The following GLRA1 variants were observed in gnomAD, a reference collection of about 807,000 sequenced individuals.
The protein encoded by GLRA1 is glycine receptor subunit alpha-1.
In GLRA1, 37 loss-of-function variants were observed where a neutral mutation model predicts 48.3. The ratio of observed to expected loss-of-function variants is 0.77; its 90% CI spans 0.59 to 1.01. The LOEUF is 1.01. Ranked by LOEUF, GLRA1 falls within the 50% of genes least tolerant of loss-of-function variation. GLRA1 has a pLI of 0.00. For synonymous variants in GLRA1, 196 were observed against 210.7 expected (o/e 0.93, Z 0.60); for missense variants, 427 against 571.0 (o/e 0.75, Z 2.57).
chr5:151,829,875 A>G (rs1283199503), intron 7 of GLRA1, among the ~76,000 whole-genome samples: 1 of 152,222 alleles, frequency 6.6e-6, no homozygotes, highest in Non-Finnish European at 1.5e-5. Context: ...TTCAAGGTTC[A>G]TTCACATCGT....
chr5:151,911,539 T>C (rs1754607040), intron 1 of GLRA1, among the ~76,000 whole-genome samples: 1 of 151,242 alleles, frequency 6.6e-6, no homozygotes, highest in Admixed American at 6.6e-5. Context: ...CTCCAAGGCA[T>C]ACACATAGCA....
chr5:151,921,511 G>C (rs1409785122), intron 1 of GLRA1, among the ~76,000 whole-genome samples: 1 of 152,182 alleles, frequency 6.6e-6, no homozygotes, highest in East Asian at 1.9e-4. Flanking sequence ...CCATAACAAA[G>C]AATTATCCAG....
Position 151,851,548 on chromosome 5 carries a change from G to C in GLRA1, c.754C>G (p.Leu252Val). 1 of 1,614,032 alleles carries C rather than the reference G, an allele frequency of 6.2e-7. No homozygotes were observed. The highest frequency in any genetic ancestry group is 8.5e-7 in the Non-Finnish European group (1 of 1,179,908). ...AGGCTGGGAATATACATCTGAATCA[G>C]GTAGTAACCCATCTGCCGCTCCAGG... is the stretch of plus-strand genomic sequence containing the variant. The part of the protein sequence containing the change: ...FHLERQMGYY[L>V]IQMYIPSLLI... Residue 252 changes from leucine to valine, a missense_variant, in exon 7 of 9, where the codon CTG becomes GTG. By Grantham distance (32) the Leu-to-Val change is conservative. Around this residue, in one of 4 missense-constraint regions of GLRA1, gnomAD observed 271 missense variants for 434.9 expected, o/e 0.62. Transcript: ENST00000274576.
chr5:151,862,713 G>T (rs1043949424), intron 3 of GLRA1, among the ~76,000 whole-genome samples: 6 of 152,216 alleles, frequency 3.9e-5, no homozygotes, highest in African/African-American at 1.4e-4. Context: ...GATGAGTTGT[G>T]TGCATCTCAA....
chr5:151,874,248 A>G (rs985665817), intron 3 of GLRA1, among the ~76,000 whole-genome samples: 2 of 152,158 alleles, frequency 1.3e-5, no homozygotes, highest in African/African-American at 2.4e-5. Flanking sequence ...GCTGAGTTCC[A>G]CCTTGAGATG....
intron 2 of GLRA1, among the ~76,000 whole-genome samples, chr5:151,889,046 G>A (rs1308718739): frequency 6.6e-6 from 1 of 152,126 alleles, no homozygotes; most frequent in Non-Finnish European, 1.5e-5. Context: ...CCTATGCCTT[G>A]AAATGATGTG....
In GLRA1 at chr5:151,850,628, C is replaced by A. The variant is rs145868530; in HGVS notation, c.912+762G>T. 3.4e-6 allele frequency: 5 copies of A among 1,469,342 alleles called. No homozygotes were observed. The East Asian group carries it at 6.8e-5, about 20-fold the overall frequency. 91.0% of individuals were successfully genotyped at this position (1,469,342 alleles called of 1,614,324 possible). A position where few individuals can be genotyped will look rare whatever the true frequency, so the allele number is the denominator to read the frequency against. ...CGACTTTTCTGCTGGTGTAGCCAATCGTAGTGCCAACATACACATTCCCTG... is the reference window on the plus strand; with the variant it reads ...CGACTTTTCTGCTGGTGTAGCCAATAGTAGTGCCAACATACACATTCCCTG... On this transcript the variant is annotated intron_variant, in intron 7 of 8. Transcript: ENST00000274576.
chr5:151,856,594 C>G (rs1172420694), intron 4 of GLRA1, among the ~76,000 whole-genome samples: 1 of 152,198 alleles, frequency 6.6e-6, no homozygotes, highest in African/African-American at 2.4e-5. Flanking sequence ...TAATGGCTCA[C>G]TGCAGTCTTG....
intron 8 of GLRA1, among the ~76,000 whole-genome samples, chr5:151,827,242 G>C (rs1222354114): frequency 6.6e-6 from 1 of 151,546 alleles, no homozygotes; most frequent in Admixed American, 6.6e-5. Context: ...AAAACTAGGG[G>C]TCATTTAAGA....
At chr5:151,859,530 C>T (rs747333476) in intron 4 of GLRA1, among the ~76,000 whole-genome samples, 56 of 152,274 alleles carry the variant, frequency 3.7e-4, no homozygotes, top group Non-Finnish European at 7.1e-4. Context: ...AACTTCAACC[C>T]CACTTTCTCT....
At chr5:151,907,827 A>G (rs1561580497) in intron 1 of GLRA1, among the ~76,000 whole-genome samples, 1 of 152,190 alleles carries the variant, frequency 6.6e-6, no homozygotes, top group Non-Finnish European at 1.5e-5. Flanking sequence ...ATGACCTTGG[A>G]AGGTCTCTTT....
At chr5:151,896,127 C>T (rs1341893058) in intron 1 of GLRA1, among the ~76,000 whole-genome samples, 1 of 152,214 alleles carries the variant, frequency 6.6e-6, no homozygotes, top group Non-Finnish European at 1.5e-5. Context: ...ATTAGCATAA[C>T]ATGCCATTTA....
intron 7 of GLRA1, among the ~76,000 whole-genome samples, chr5:151,844,644 AAAAG>A (rs1012153443): frequency 7.3e-5 from 11 of 150,144 alleles, no homozygotes; most frequent in African/African-American, 2.2e-4. Context: ...AAAAAAAAGA[AAAAG>A]AAAAAAAAAG....
chr5:151,856,393 G>A lies in GLRA1; in HGVS notation c.477-10C>T. The stretch of plus-strand genomic sequence containing the variant: ...CAGTGTCAGGGTGATTCTGGGAAGA[G>A]AAGGGATTTTGAATGATGCAGGATC... On this transcript the variant is annotated splice_polypyrimidine_tract_variant and intron_variant, in intron 4 of 8. Transcript: ENST00000274576. 1 of 1,589,082 alleles carries A rather than the reference G, an allele frequency of 6.3e-7. No individual in the cohort carries two copies. The highest frequency in any genetic ancestry group is 8.6e-7 in the Non-Finnish European group (1 of 1,157,568).
At chr5:151,861,684 C>T (rs889342852) in intron 3 of GLRA1, among the ~76,000 whole-genome samples, 19 of 152,076 alleles carry the variant, frequency 1.2e-4, no homozygotes, top group Non-Finnish European at 2.5e-4. Context: ...TTCACAATTG[C>T]TTCAAAGAGA....
intron 6 of GLRA1, 93 bp downstream of exon 6, chr5:151,854,947 T>G: frequency 7.3e-7 from 1 of 1,365,770 alleles, no homozygotes; most frequent in African/African-American, 1.4e-5. Flanking sequence ...GTAATCTTCA[T>G]AAGATCTGTT....
At chr5:151,878,906 G>C (rs1273924864) in intron 3 of GLRA1, among the ~76,000 whole-genome samples, 1 of 152,242 alleles carries the variant, frequency 6.6e-6, no homozygotes, top group Non-Finnish European at 1.5e-5. Flanking sequence ...GGAAATGTGG[G>C]GTTGAAGCCC....
rs568475239 is a variant in GLRA1 at position 151,849,677 on chromosome 5, C to T, written c.912+1713G>A. 3 of 211,762 alleles carry T rather than the reference C, an allele frequency of 1.4e-5. No individual in the cohort carries two copies. In the East Asian group the frequency reaches 4.0e-4, roughly 28 times the overall value. The allele number at this position is 211,762 out of a possible 1,614,324, so 13.1% of individuals were successfully genotyped here. A position where few individuals can be genotyped will look rare whatever the true frequency, so the allele number is the denominator to read the frequency against. On this transcript the variant is annotated intron_variant, in intron 7 of 8. Coordinates refer to ENST00000274576, the MANE Select transcript of GLRA1 (RefSeq NM_000171.4). ...AAGCGATTCTCCTGCCTCAGCCTCA[C>T]GAGTAGCTAGGATTACAGGTGTGTG... is the stretch of plus-strand genomic sequence containing the variant.
At chr5:151,846,614 CAG>C (rs1052553160) in intron 7 of GLRA1, among the ~76,000 whole-genome samples, 1 of 152,222 alleles carries the variant, frequency 6.6e-6, no homozygotes. Context: ...GCAAATGAAA[CAG>C]AATGTTGTGT....
Sources: allele counts gnomAD v4.1 joint callset (sites outside exome capture counted in the v4.1 genomes callset), GRCh38; gene constraint gnomAD v4.1.1; regional missense constraint gnomAD v4.1.1; transcripts MANE v1.5; gene names NCBI Gene and HGNC (gene_info 2026-07-23, HGNC 2026-07-21).